SPOCK3: variants seen among roughly 807,000 people sequenced by gnomAD.
SPOCK3 encodes SPARC (osteonectin), cwcv and kazal like domains proteoglycan 3.
In SPOCK3, 30 loss-of-function variants were observed where a neutral mutation model predicts 56.6. The ratio of observed to expected loss-of-function variants is 0.53; its 90% CI spans 0.40 to 0.72. The LOEUF is 0.72. Among genes scored for constraint, SPOCK3 ranks in the 30% least tolerant of loss-of-function variants. The probability of loss-of-function intolerance (pLI) is 0.00; values close to 1 mark genes in which losing one functional copy is unlikely to be tolerated. For synonymous variants in SPOCK3, 196 were observed against 183.3 expected (o/e 1.07, Z -0.56); for missense variants, 527 against 530.0 (o/e 0.99, Z 0.06).
intron 6 of SPOCK3, among the ~76,000 whole-genome samples, chr4:166,815,751 G>C (rs897137942): frequency 6.6e-6 from 1 of 151,930 alleles, no homozygotes; most frequent in African/African-American, 2.4e-5. Context: ...CTCCAACCTC[G>C]GCTACAGAGC....
chr4:167,031,256 T>C (rs530832412), intron 3 of SPOCK3, among the ~76,000 whole-genome samples: 1 of 152,164 alleles, frequency 6.6e-6, no homozygotes, highest in Admixed American at 6.6e-5. Flanking sequence ...ATAGAATAAC[T>C]ATATTTGTTA....
intron 2 of SPOCK3, among the ~76,000 whole-genome samples, chr4:167,091,914 G>T (rs779474606): frequency 2.0e-5 from 3 of 152,054 alleles, no homozygotes; most frequent in Non-Finnish European, 4.4e-5. Flanking sequence ...GTGAAAAAAT[G>T]GATATTATGA....
chr4:166,834,682 T>C (rs1746424997), intron 6 of SPOCK3, among the ~76,000 whole-genome samples: 1 of 152,174 alleles, frequency 6.6e-6, no homozygotes, highest in Non-Finnish European at 1.5e-5. Flanking sequence ...AACAAACAAA[T>C]TGAACAAAAA....
chr4:166,872,326 A>G (rs1732576575), intron 6 of SPOCK3, among the ~76,000 whole-genome samples: 1 of 152,152 alleles, frequency 6.6e-6, no homozygotes, highest in African/African-American at 2.4e-5. Flanking sequence ...ATGCTAAAGA[A>G]TCTACAAAAG....
At chr4:167,205,310 T>TATATTATAG (rs1734007486) in intron 2 of SPOCK3, among the ~76,000 whole-genome samples, 2 of 56,852 alleles carry the variant, frequency 3.5e-5, no homozygotes, top group African/African-American at 1.5e-4. Context: ...ATATATATTA[T>TATATTATAG]ATATTTTATA....
chr4:166,879,434 G>C (rs776257710), intron 6 of SPOCK3, among the ~76,000 whole-genome samples: 52 of 152,044 alleles, frequency 3.4e-4, no homozygotes, highest in South Asian at 1.0e-3. Context: ...TACTCAGGAG[G>C]CTGAGGTGGG....
At chr4:166,954,386 A>T (rs1403920953) in intron 4 of SPOCK3, among the ~76,000 whole-genome samples, 1 of 152,158 alleles carries the variant, frequency 6.6e-6, no homozygotes, top group East Asian at 1.9e-4. Context: ...CTATAGCAAC[A>T]TTATGGAAGT....
At chr4:166,823,621 G>A (rs1264324960) in intron 6 of SPOCK3, among the ~76,000 whole-genome samples, 1 of 152,078 alleles carries the variant, frequency 6.6e-6, no homozygotes, top group Non-Finnish European at 1.5e-5. Flanking sequence ...TCACTAGAGA[G>A]AAGAATGAAT....
chr4:167,194,220 AT>A (rs1210802478), intron 2 of SPOCK3, among the ~76,000 whole-genome samples: 1 of 139,748 alleles, frequency 7.2e-6, no homozygotes, highest in Non-Finnish European at 1.5e-5. Context: ...CACTTCTGTC[AT>A]TGTATTTTTC....
intron 6 of SPOCK3, among the ~76,000 whole-genome samples, chr4:166,835,600 AT>A (rs1560909777): frequency 1.3e-5 from 2 of 152,128 alleles, no homozygotes; most frequent in African/African-American, 2.4e-5. Flanking sequence ...GTTGTTCTGT[AT>A]TTTAGCTTCA....
intron 8 of SPOCK3, among the ~76,000 whole-genome samples, chr4:166,745,624 A>T (rs536049358): frequency 6.6e-5 from 10 of 152,298 alleles, no homozygotes; most frequent in East Asian, 1.9e-4. Context: ...ATAGGATCAA[A>T]TTCACACATA....
In SPOCK3 at chr4:167,176,290, G is replaced by A. The variant is rs182208884; in HGVS notation, c.189+57695C>T. On this transcript the variant is annotated intron_variant, in intron 2 of 10. Coordinates refer to ENST00000357545, the MANE Select transcript of SPOCK3 (RefSeq NM_001040159.2). ...TAAAGTAATATATGCAGATTACAGG[G>A]ATCAGGGCATGACCATCTTTGGGGA... is the stretch of plus-strand genomic sequence containing the variant. Among the ~76,000 whole-genome samples, 39 of 152,200 alleles carry A rather than the reference G, an allele frequency of 2.6e-4. 1 individual carries two copies. Among genetic ancestry groups the A allele is most frequent in the Admixed American group, 2.4e-3 (36 of 15,280 alleles).
intron 3 of SPOCK3, among the ~76,000 whole-genome samples, chr4:167,014,266 TC>T (rs1750377968): frequency 8.9e-6 from 1 of 112,866 alleles, no homozygotes; most frequent in African/African-American, 2.9e-5. Context: ...TTCTACTTTT[TC>T]TTGAGTGGGT....
intron 2 of SPOCK3, among the ~76,000 whole-genome samples, chr4:167,108,514 G>A (rs184941668): frequency 1.3e-5 from 2 of 152,020 alleles, no homozygotes; most frequent in African/African-American, 4.8e-5. Flanking sequence ...CAACATGGAT[G>A]GAACTAGAGG....
chr4:167,216,317 A>G (rs1025760839), intron 2 of SPOCK3, among the ~76,000 whole-genome samples: 3 of 152,136 alleles, frequency 2.0e-5, no homozygotes, highest in African/African-American at 7.2e-5. Flanking sequence ...GTTCTGTAAT[A>G]CATTAAAAGA....
At chr4:167,111,382 T>C (rs2150347590) in intron 2 of SPOCK3, among the ~76,000 whole-genome samples, 1 of 152,102 alleles carries the variant, frequency 6.6e-6, no homozygotes, top group East Asian at 1.9e-4. Flanking sequence ...TCATGAGACC[T>C]AATCCCAGCC....
rs530123544 is a variant in SPOCK3, at chr4:167,222,473, T to C, written c.189+11512A>G. Among the ~76,000 whole-genome samples, 10 of 135,164 alleles carry C rather than the reference T, an allele frequency of 7.4e-5. No individual in the cohort carries two copies. The East Asian group carries it at 2.1e-3, about 28-fold the overall frequency. The allele number at this position is 135,164 out of a possible 152,430, so 88.7% of individuals were successfully genotyped here. ...TACAATTAAAAATTATATAGATTTA[T>C]ATATAAACATATATATTACATATGA... On this transcript the variant is annotated intron_variant, in intron 2 of 10. Transcript: ENST00000357545.
intron 2 of SPOCK3, among the ~76,000 whole-genome samples, chr4:167,067,753 C>T (rs1263194807): frequency 1.3e-5 from 2 of 151,700 alleles, no homozygotes; most frequent in Non-Finnish European, 1.5e-5. Flanking sequence ...AACATCTTAG[C>T]AATATTCTCC....
At chr4:167,161,473 T>A (rs1447897381) in intron 2 of SPOCK3, among the ~76,000 whole-genome samples, 1 of 152,118 alleles carries the variant, frequency 6.6e-6, no homozygotes, top group Non-Finnish European at 1.5e-5. Context: ...ATTGTGGAAG[T>A]CAGTGTGGCA....
Sources: allele counts gnomAD v4.1 joint callset (sites outside exome capture counted in the v4.1 genomes callset), GRCh38; gene constraint gnomAD v4.1.1; transcripts MANE v1.5; gene names NCBI Gene and HGNC (gene_info 2026-07-23, HGNC 2026-07-21).